The following ZNF385D variants were observed in gnomAD, a reference collection of about 807,000 sequenced individuals.
ZNF385D encodes zinc finger protein 659.
A neutral mutation model predicts 35.8 loss-of-function variants in ZNF385D; 15 were observed. The ratio of observed to expected loss-of-function variants is 0.42; its 90% confidence interval spans 0.28 to 0.64. ZNF385D has a LOEUF of 0.64. Ranked by LOEUF, ZNF385D falls within the 30% of genes least tolerant of loss-of-function variation. The pLI, the probability that ZNF385D is intolerant of heterozygous loss-of-function variation, is 0.23. For missense variants in ZNF385D, 474 were observed against 494.6 expected (o/e 0.96, Z 0.39); for synonymous variants, 212 against 186.8 (o/e 1.13, Z -1.10).
chr3:21,618,252 G>C (rs1049104013), intron 2 of ZNF385D, among the ~76,000 whole-genome samples: 2 of 137,488 alleles, frequency 1.5e-5, no homozygotes, highest in Non-Finnish European at 1.6e-5. Flanking sequence ...TAGAGGCAGA[G>C]GGAGATTTAA....
intron 4 of ZNF385D, among the ~76,000 whole-genome samples, chr3:21,506,357 T>C (rs1279636527): frequency 6.6e-6 from 1 of 152,158 alleles, no homozygotes; most frequent in Admixed American, 6.6e-5. Context: ...TAAGAAATAA[T>C]TAGATATTGC....
intron 3 of ZNF385D, among the ~76,000 whole-genome samples, chr3:22,105,026 T>A (rs530493623): frequency 6.6e-6 from 1 of 152,272 alleles, no homozygotes; most frequent in South Asian, 2.1e-4. Context: ...ACTGCTAACA[T>A]GTTTAAAATT....
intron 3 of ZNF385D, among the ~76,000 whole-genome samples, chr3:22,166,938 G>C (rs1706372802): frequency 6.6e-6 from 1 of 152,240 alleles, no homozygotes; most frequent in Non-Finnish European, 1.5e-5. Context: ...ACTTGAGGTG[G>C]TTTCACCTAG....
chr3:22,249,418 G>A (rs1158863458), intron 2 of ZNF385D, among the ~76,000 whole-genome samples: 2 of 152,078 alleles, frequency 1.3e-5, no homozygotes, highest in Non-Finnish European at 2.9e-5. Flanking sequence ...TCAATAGCAC[G>A]AGGGTCTCTT....
chr3:21,464,827 C>A (rs777548421), intron 4 of ZNF385D, among the ~76,000 whole-genome samples: 2 of 151,128 alleles, frequency 1.3e-5, no homozygotes, highest in East Asian at 3.9e-4. Flanking sequence ...CCAGAAGATG[C>A]GTAGCCTATT....
chr3:22,208,771 G>A (rs1325609906), intron 2 of ZNF385D, among the ~76,000 whole-genome samples: 1 of 151,714 alleles, frequency 6.6e-6, no homozygotes, highest in Non-Finnish European at 1.5e-5. Flanking sequence ...TTTCTAAAAT[G>A]TGTTATCAGC....
chr3:21,826,559 A>C (rs2670256), intron 3 of ZNF385D, among the ~76,000 whole-genome samples: 64,355 of 151,824 alleles, frequency 0.42, 13,808 homozygotes, highest in East Asian at 0.55. Flanking sequence ...TTTTTTTAGA[A>C]AGTGTGAATG....
At chr3:21,464,743 A>AACACAC (rs6147726) in intron 4 of ZNF385D, among the ~76,000 whole-genome samples, 1 of 150,198 alleles carries the variant, frequency 6.7e-6, no homozygotes, top group African/African-American at 2.5e-5. Context: ...AATAAATTAA[A>AACACAC]ACACACACAC....
chr3:21,972,215 A>C (rs1703301730), intron 3 of ZNF385D, among the ~76,000 whole-genome samples: 2 of 152,032 alleles, frequency 1.3e-5, no homozygotes, highest in South Asian at 2.1e-4. Context: ...AAAAAGTCTT[A>C]AAAATTTCAA....
intron 2 of ZNF385D, among the ~76,000 whole-genome samples, chr3:22,240,373 G>C (rs948627436): frequency 6.0e-5 from 9 of 150,798 alleles, no homozygotes; most frequent in East Asian, 2.0e-4. Flanking sequence ...ACCTGACCAG[G>C]TATCTCCCTC....
intron 3 of ZNF385D, among the ~76,000 whole-genome samples, chr3:21,519,194 A>T (rs914627261): frequency 6.6e-6 from 1 of 152,168 alleles, no homozygotes; most frequent in African/African-American, 2.4e-5. Flanking sequence ...AGTGGGGAAA[A>T]GAAACATTCT....
chr3:22,193,772 A>C (rs536289284), intron 2 of ZNF385D, among the ~76,000 whole-genome samples: 1 of 152,016 alleles, frequency 6.6e-6, no homozygotes, highest in African/African-American at 2.4e-5. Context: ...ATGTTTTGGG[A>C]AATTCTAGGG....
chr3:22,203,496 G>T (rs1696943161), intron 2 of ZNF385D, among the ~76,000 whole-genome samples: 1 of 152,122 alleles, frequency 6.6e-6, no homozygotes, highest in Non-Finnish European at 1.5e-5. Flanking sequence ...AAGGAACTTT[G>T]TCTTATAGCT....
chr3:21,554,059 A>G (rs1451772592), intron 3 of ZNF385D, among the ~76,000 whole-genome samples: 1 of 152,214 alleles, frequency 6.6e-6, no homozygotes, highest in African/African-American at 2.4e-5. Flanking sequence ...CCCATGAGTT[A>G]CAAATGTTCT....
chr3:21,734,499 G>A (rs888952502), intron 1 of ZNF385D, among the ~76,000 whole-genome samples: 1 of 151,580 alleles, frequency 6.6e-6, no homozygotes, highest in African/African-American at 2.4e-5. Context: ...GACTAACAGT[G>A]AATAAAAATG....
intron 2 of ZNF385D, among the ~76,000 whole-genome samples, chr3:21,654,871 T>C (rs979887515): frequency 6.6e-6 from 1 of 152,060 alleles, no homozygotes; most frequent in Non-Finnish European, 1.5e-5. Context: ...GAAACAAATA[T>C]ACTTGCTGGC....
intron 1 of ZNF385D, among the ~76,000 whole-genome samples, chr3:21,670,236 G>A (rs923525259): frequency 2.6e-5 from 4 of 151,556 alleles, no homozygotes; most frequent in Non-Finnish European, 5.9e-5. Context: ...CAACTTATCT[G>A]TATTGAAATA....
chr3:21,879,616 C>A (rs1698170595), intron 3 of ZNF385D, among the ~76,000 whole-genome samples: 1 of 151,970 alleles, frequency 6.6e-6, no homozygotes, highest in Admixed American at 6.6e-5. Flanking sequence ...TTTCTCACCG[C>A]TGTTGTAATA....
chr3:21,443,382 GTCTC>G, intron 4 of ZNF385D: 1 of 982,320 alleles, frequency 1.0e-6, no homozygotes, highest in Non-Finnish European at 1.2e-6. Flanking sequence ...ATGGCATATA[GTCTC>G]CATTTGTATG....
Sources: gnomAD v4.1 joint callset for allele counts (sites outside exome capture counted in the v4.1 genomes callset) on GRCh38, gnomAD v4.1.1 for gene constraint, MANE v1.5 for transcripts, NCBI Gene and HGNC (gene_info 2026-07-23, HGNC 2026-07-21) for gene names.